The following ANG variants were observed in gnomAD, a reference collection of about 807,000 sequenced individuals.
ANG encodes the protein Homo sapiens epididymis luminal protein 168.
For missense variants in ANG, 178 were observed against 187.4 expected, an observed-to-expected ratio of 0.95 and a Z score of 0.29; for synonymous variants, 74 against 73.8, an observed-to-expected ratio of 1.00 and a Z score of -0.02.
chr14:20,691,561 A>G (rs190817770), intron 1 of ANG, among the ~76,000 whole-genome samples: 11 of 152,272 alleles, frequency 7.2e-5, no homozygotes, highest in South Asian at 2.1e-4. Flanking sequence ...CCATTCTACA[A>G]TCATGTACCT....
chr14:20,694,058 TC>T lies in ANG; in HGVS notation c.*54del. The T allele has an allele frequency of 1.9e-6, 3 of 1,604,128 alleles. No individual in the cohort carries two copies. Among genetic ancestry groups the T allele is most frequent in the Non-Finnish European group, 2.6e-6 (3 of 1,171,168 alleles). On this transcript the variant is annotated 3_prime_UTR_variant, in exon 2 of 2. Coordinates refer to ENST00000397990, the MANE Select transcript of ANG (RefSeq NM_001097577.3). ...GGCTCTGCTGTCCTTGCCTTCCATT[TC>T]CCCTCTGCACCCAGAACAGTGGTGG...
At chr14:20,685,146 A>G (rs1199402983), upstream of ANG, among the ~76,000 whole-genome samples, 2 of 152,200 alleles carry the variant, frequency 1.3e-5, no homozygotes, top group Middle Eastern at 3.4e-3. Flanking sequence ...TTGCAAGCGT[A>G]ACTAACATTT....
At chr14:20,691,217 AC>A (rs1264635951) in intron 1 of ANG, among the ~76,000 whole-genome samples, 4 of 152,172 alleles carry the variant, frequency 2.6e-5, no homozygotes, top group African/African-American at 9.7e-5. Flanking sequence ...CTGCCACCTA[AC>A]GACTCTTTTA....
upstream of ANG, among the ~76,000 whole-genome samples, chr14:20,685,423 C>T (rs1242722983): frequency 6.6e-6 from 1 of 152,136 alleles, no homozygotes; most frequent in Non-Finnish European, 1.5e-5. Flanking sequence ...GACCCTCCCT[C>T]GTGACAGTAA....
chr14:20,685,083 C>T (rs1216195420), upstream of ANG, among the ~76,000 whole-genome samples: 1 of 152,188 alleles, frequency 6.6e-6, no homozygotes, highest in Non-Finnish European at 1.5e-5. Context: ...ACTAAGAAAG[C>T]TTTGCTAGTT....
intron 1 of ANG, among the ~76,000 whole-genome samples, chr14:20,693,137 G>C (rs1294050749): frequency 6.6e-6 from 1 of 152,202 alleles, no homozygotes; most frequent in Admixed American, 6.5e-5. Flanking sequence ...GTGAGCCACC[G>C]CGCCCGGCCG....
At chr14:20,690,383 C>T (rs2139011195) in intron 1 of ANG, among the ~76,000 whole-genome samples, 1 of 152,242 alleles carries the variant, frequency 6.6e-6, no homozygotes, top group African/African-American at 2.4e-5. Flanking sequence ...GCTTTGCACC[C>T]TTGGCTTAGG....
At chr14:20,686,990 G>GGA (rs1167482661), upstream of ANG, among the ~76,000 whole-genome samples, 1 of 152,086 alleles carries the variant, frequency 6.6e-6, no homozygotes, top group Non-Finnish European at 1.5e-5. Context: ...TTGGCTTGAG[G>GGA]GAGAGAGAGA....
chr14:20,688,992 G>T (rs1886558295), intron 1 of ANG, 118 bp downstream of exon 1: 1 of 422,010 alleles, frequency 2.4e-6, no homozygotes, highest in Non-Finnish European at 3.2e-6. Flanking sequence ...AAAGAAAATG[G>T]ATCAGATTCT....
At chr14:20,685,742 G>A (rs551742703), upstream of ANG, among the ~76,000 whole-genome samples, 157 of 152,112 alleles carry the variant, frequency 1.0e-3, 1 homozygote, top group Non-Finnish European at 1.7e-3. Context: ...TACTAGTATG[G>A]AATATAAAAG....
At chr14:20,693,079 C>T (rs996950843) in intron 1 of ANG, among the ~76,000 whole-genome samples, 19 of 151,954 alleles carry the variant, frequency 1.3e-4, no homozygotes, top group African/African-American at 3.9e-4. Flanking sequence ...GATCTCCTGA[C>T]CTCGTGATCC....
chr14:20,685,404 A>G (rs547894081), upstream of ANG, among the ~76,000 whole-genome samples: 1 of 152,322 alleles, frequency 6.6e-6, no homozygotes, highest in African/African-American at 2.4e-5. Context: ...GAAATCTCAG[A>G]TGAGCCAAGA....
At chr14:20,689,396 G>T (rs969030642) in intron 1 of ANG, among the ~76,000 whole-genome samples, 3 of 152,226 alleles carry the variant, frequency 2.0e-5, no homozygotes, top group Non-Finnish European at 4.4e-5. Flanking sequence ...TGCCTTGGGT[G>T]TTAGGCTCTT....
At position 20,693,786 on chromosome 14, in the gene ANG, G is replaced by A. The variant is rs760854021; in HGVS notation, c.222G>A (p.Lys74=). 4 of 1,614,066 alleles carry A rather than the reference G, an allele frequency of 2.5e-6. No individual in the cohort carries two copies. Among genetic ancestry groups the A allele is most frequent in the Non-Finnish European group, 2.5e-6 (3 of 1,180,038 alleles). The stretch of plus-strand genomic sequence containing the variant: ...TCAACACATTTATTCATGGCAACAA[G>A]CGCAGCATCAAGGCCATCTGTGAAA... ...KDINTFIHGN[K]RSIKAICENK... is the part of the protein sequence containing the mutation. Residue 74 remains lysine (K), a synonymous_variant, in exon 2 of 2, where the codon AAG becomes AAA. Coordinates refer to ENST00000397990, the MANE Select transcript of ANG (RefSeq NM_001097577.3).
upstream of ANG, among the ~76,000 whole-genome samples, chr14:20,687,111 T>C (rs17114671): frequency 0.11 from 16,214 of 152,276 alleles, 866 homozygotes; most frequent in Middle Eastern, 0.12. Context: ...TTAAAATTAC[T>C]GACAAAGATG....
chr14:20,692,483 G>A (rs532057509), intron 1 of ANG, among the ~76,000 whole-genome samples: 37 of 152,248 alleles, frequency 2.4e-4, no homozygotes, highest in Non-Finnish European at 5.3e-4. Flanking sequence ...TCTGTGGCCT[G>A]TCCGCCTAAG....
intron 1 of ANG, among the ~76,000 whole-genome samples, chr14:20,692,654 AT>A (rs978708041): frequency 4.6e-5 from 7 of 152,194 alleles, no homozygotes; most frequent in African/African-American, 1.7e-4. Flanking sequence ...TCCTGAAACC[AT>A]CCCCCACCAA....
At position 20,693,858 on chromosome 14, in the gene ANG, T is replaced by A; in HGVS notation, c.294T>A (p.Ser98=). 1 of 1,614,200 alleles carries A rather than the reference T, an allele frequency of 6.2e-7. No individual in the cohort carries two copies. The change falls in exon 2 of 2, where the codon TCT becomes TCA. Residue 98 remains serine (S), a synonymous_variant. Coordinates refer to ENST00000397990, the MANE Select transcript of ANG (RefSeq NM_001097577.3). ...PHRENLRISK[S]SFQVTTCKLH... ...GAGAAAACCTAAGAATAAGCAAGTC[T>A]TCTTTCCAGGTCACCACTTGCAAGC...
upstream of ANG, among the ~76,000 whole-genome samples, chr14:20,686,538 G>A (rs894365356): frequency 2.0e-5 from 3 of 152,150 alleles, no homozygotes; most frequent in South Asian, 2.1e-4. Flanking sequence ...AGTTATTCCC[G>A]GAAGAATGCC....
Sources: gnomAD v4.1 joint callset for allele counts (sites outside exome capture counted in the v4.1 genomes callset) on GRCh38, gnomAD v4.1.1 for gene constraint, MANE v1.5 for transcripts, NCBI Gene and HGNC (gene_info 2026-07-23, HGNC 2026-07-21) for gene names.